Variants in TRMT10A observed in about 807,000 individuals in gnomAD.
TRMT10A encodes the protein tRNA methyltransferase 10A, also known as tRNA methyltransferase 10 homolog A.
In TRMT10A, 37 loss-of-function variants were observed where a neutral mutation model predicts 40.4. The observed-to-expected ratio is 0.92, with a 90% CI of 0.71 to 1.21. The LOEUF is 1.21. Among genes scored for constraint, TRMT10A ranks in the 50% most tolerant of loss-of-function variants. The pLI is 0.00. For synonymous variants in TRMT10A, 103 were observed against 134.1 expected, an observed-to-expected ratio of 0.77 and a Z score of 1.60; for missense variants, 388 against 404.3, an observed-to-expected ratio of 0.96 and a Z score of 0.35.
At chr4:99,561,062 G>A (rs1724371251) in intron 1 of TRMT10A, among the ~76,000 whole-genome samples, 1 of 151,774 alleles carries the variant, frequency 6.6e-6, no homozygotes, top group South Asian at 2.1e-4. Context: ...CGCCTCCCAG[G>A]TTCAGGCGAT....
chr4:99,557,974 G>A (rs1039546982), intron 3 of TRMT10A, 75 bp downstream of exon 3: 3 of 1,322,766 alleles, frequency 2.3e-6, no homozygotes, highest in Non-Finnish European at 3.0e-6. Flanking sequence ...TACATAAAAG[G>A]GATATTGCAT....
chr4:99,548,998 GA>G lies in TRMT10A; in HGVS notation c.*89del. ...TTTAAAAATCACAACAGAAATAAGAGAAAATAAAATGTTCTTCCAATTTCAA... is the reference window on the plus strand; with the variant it reads ...TTTAAAAATCACAACAGAAATAAGAGAAATAAAATGTTCTTCCAATTTCAA... On this transcript the variant is annotated 3_prime_UTR_variant, in exon 8 of 8. Transcript: ENST00000394876. 4 of 1,333,746 alleles carry G rather than the reference GA, an allele frequency of 3.0e-6. No homozygotes were observed. The highest frequency in any genetic ancestry group is 4.0e-6 in the Non-Finnish European group (4 of 1,006,766). 82.6% of individuals were successfully genotyped at this position (1,333,746 alleles called of 1,614,324 possible).
At chr4:99,552,515 T>C (rs537681805) in intron 6 of TRMT10A, among the ~76,000 whole-genome samples, 13 of 152,258 alleles carry the variant, frequency 8.5e-5, no homozygotes, top group Admixed American at 3.3e-4. Context: ...CTCTATAATA[T>C]TGATATCGCT....
chr4:99,557,783 T>C (rs1457335828), intron 3 of TRMT10A: 2 of 428,150 alleles, frequency 4.7e-6, no homozygotes, highest in African/African-American at 2.1e-5. Context: ...GTAGTTAATT[T>C]AGTTCTGTCA....
intron 4 of TRMT10A, among the ~76,000 whole-genome samples, 172 bp from the exon 5 acceptor site, chr4:99,556,392 G>A (rs775673627): frequency 6.6e-6 from 1 of 152,138 alleles, no homozygotes; most frequent in Non-Finnish European, 1.5e-5. Flanking sequence ...AACTGTGGTA[G>A]AAATAGTACG....
Position 99,556,126 on chromosome 4 carries a change from A to G in TRMT10A, c.495+20T>C. ...ATAAAAATACTTGGAATTATGTGAG[A>G]GTTTATCTGTTTTAATTACCTTCCA... On this transcript the variant is annotated intron_variant, in intron 5 of 7. Coordinates refer to ENST00000394876, the MANE Select transcript of TRMT10A (RefSeq NM_001134665.3). The G allele has an allele frequency of 6.2e-7, 1 of 1,607,122 alleles. No homozygotes were observed. Among genetic ancestry groups the G allele is most frequent in the Non-Finnish European group, 8.5e-7 (1 of 1,174,960 alleles).
Position 99,558,273 on chromosome 4 carries a change from CTAAA to C in TRMT10A, c.186-66_186-63del, listed in dbSNP as rs1724250200. On this transcript the variant is annotated intron_variant, in intron 2 of 7. Transcript: ENST00000394876. Reference sequence around the variant, plus strand: ...GTATTCAGTTATTTACAAGACTCTTCTAAATAAACAATTCCTTTTAAAAATCATC... The same window carrying C: ...GTATTCAGTTATTTACAAGACTCTTCTAAACAATTCCTTTTAAAAATCATC... 6.9e-6 allele frequency: 9 copies of C among 1,308,024 alleles called. No homozygotes were observed. The South Asian group carries it at 1.3e-4, about 19-fold the overall frequency. 81.0% of individuals were successfully genotyped at this position (1,308,024 alleles called of 1,614,324 possible). A position where few individuals can be genotyped will look rare whatever the true frequency, so the allele number is the denominator to read the frequency against.
At chr4:99,557,008 CCTCTCTGTCCAAT>C (rs1184618283) in intron 4 of TRMT10A, among the ~76,000 whole-genome samples, 2 of 152,078 alleles carry the variant, frequency 1.3e-5, no homozygotes, top group African/African-American at 2.4e-5. Flanking sequence ...ACAGCTTCTG[CCTCTCTGTCCAAT>C]CTCTCTCCCA....
chr4:99,556,373 C>A (rs530137620), intron 4 of TRMT10A, among the ~76,000 whole-genome samples, 153 bp from the exon 5 acceptor site: 17 of 152,196 alleles, frequency 1.1e-4, no homozygotes, highest in Non-Finnish European at 1.5e-4. Context: ...ATGCTTTGAG[C>A]AAACAATAAA....
At position 99,550,962 on chromosome 4, in the gene TRMT10A, T is replaced by C. The variant is rs756924083; in HGVS notation, c.674A>G (p.Tyr225Cys). Reference protein sequence around the residue: ...KGLTYKQASDYGINHAQLPLG... With the variant: ...KGLTYKQASDCGINHAQLPLG... ...TGGGAGCTGTGCATGATTGATTCCA[T>C]AATCTGACGCTTGTTTATATGTGAG... Residue 225 changes from tyrosine to cysteine, a missense_variant, in exon 7 of 8, where the codon TAT becomes TGT. Tyr to Cys is a radical substitution (Grantham distance 194). Coordinates refer to ENST00000394876, the MANE Select transcript of TRMT10A (RefSeq NM_001134665.3). 6.2e-7 allele frequency: 1 copy of C among 1,612,422 alleles called. No individual in the cohort carries two copies. The highest frequency in any genetic ancestry group is 8.5e-7 in the Non-Finnish European group (1 of 1,179,192).
rs35333223 is a variant in TRMT10A at position 99,548,935 on chromosome 4, CTT to C, written c.*151_*152del. ...ATATTTCCTTACAAAGTTTAAAGGGCTTTTTTTTTTATTATTATTTAGGTCCA... is the reference window on the plus strand; with the variant it reads ...ATATTTCCTTACAAAGTTTAAAGGGCTTTTTTTTATTATTATTTAGGTCCA... On this transcript the variant is annotated 3_prime_UTR_variant, in exon 8 of 8. Transcript: ENST00000394876. 3 of 640,068 alleles carry C rather than the reference CTT, an allele frequency of 4.7e-6. No individual in the cohort carries two copies. Among genetic ancestry groups the C allele is most frequent in the African/African-American group, 1.9e-5 (1 of 51,974 alleles). The allele number at this position is 640,068 out of a possible 1,614,324, so 39.6% of individuals were successfully genotyped here.
chr4:99,560,702 C>T, intron 1 of TRMT10A, among the ~76,000 whole-genome samples: 1 of 152,180 alleles, frequency 6.6e-6, no homozygotes, highest in African/African-American at 2.4e-5. Context: ...TTTTGATCCC[C>T]TGGATCACTT....
rs952211261 is a variant in TRMT10A at position 99,548,943 on chromosome 4, T to A, written c.*145A>T. On this transcript the variant is annotated 3_prime_UTR_variant, in exon 8 of 8. Coordinates refer to ENST00000394876, the MANE Select transcript of TRMT10A (RefSeq NM_001134665.3). ...TTACAAAGTTTAAAGGGCTTTTTTT[T>A]TTATTATTATTTAGGTCCAAAAAAA... is the stretch of plus-strand genomic sequence containing the variant. The A allele has an allele frequency of 2.9e-4, 216 of 738,846 alleles. No homozygotes were observed. Among genetic ancestry groups the A allele is most frequent in the Middle Eastern group, 1.3e-3 (3 of 2,368 alleles). 45.8% of individuals were successfully genotyped at this position (738,846 alleles called of 1,614,324 possible). A position where few individuals can be genotyped will look rare whatever the true frequency, so the allele number is the denominator to read the frequency against.
chr4:99,555,448 T>A (rs1403013206), intron 5 of TRMT10A, among the ~76,000 whole-genome samples: 2 of 152,184 alleles, frequency 1.3e-5, no homozygotes, highest in Admixed American at 1.3e-4. Context: ...CCTTTACCAA[T>A]GACTGAGAAC....
At position 99,556,149 on chromosome 4, in the gene TRMT10A, C is replaced by T; in HGVS notation, c.492G>A (p.Trp164Ter). Reference sequence around the variant, plus strand: ...AGAGTTTATCTGTTTTAATTACCTTCCAGTTGACCCATCCTTTGTCATTTT... The same window carrying T: ...AGAGTTTATCTGTTTTAATTACCTTTCAGTTGACCCATCCTTTGTCATTTT... ...MDENDKGWVN[W>*]KDIHIKPEHY... Residue 164 changes from tryptophan to a stop codon, truncating the protein, a stop_gained, in exon 5 of 8, where the codon TGG becomes TGA. Coordinates refer to ENST00000394876, the MANE Select transcript of TRMT10A (RefSeq NM_001134665.3). LOFTEE classifies it high-confidence loss of function. 1 of 1,613,412 alleles carries T rather than the reference C, an allele frequency of 6.2e-7. No individual in the cohort carries two copies. The highest frequency in any genetic ancestry group is 8.5e-7 in the Non-Finnish European group (1 of 1,179,614).
chr4:99,562,438 T>G (rs1422187147), intron 1 of TRMT10A, among the ~76,000 whole-genome samples: 1 of 151,116 alleles, frequency 6.6e-6, no homozygotes, highest in Non-Finnish European at 1.5e-5. Context: ...GACAGTCTCC[T>G]TTTCAGAAAA....
intron 1 of TRMT10A, among the ~76,000 whole-genome samples, chr4:99,560,791 G>T (rs1578215344): frequency 6.6e-6 from 1 of 152,002 alleles, no homozygotes; most frequent in Non-Finnish European, 1.5e-5. Flanking sequence ...CCGAGTGGAG[G>T]AAACTTAAAA....
intron 2 of TRMT10A, 64 bp from the exon 3 acceptor site, chr4:99,558,275 AAAT>A: frequency 3.0e-6 from 4 of 1,313,870 alleles, no homozygotes; most frequent in Non-Finnish European, 3.1e-6. Context: ...AGACTCTTCT[AAAT>A]AAACAATTCC....
intron 4 of TRMT10A, 139 bp downstream of exon 4, chr4:99,557,206 G>C (rs1255068869): frequency 1.5e-6 from 1 of 668,720 alleles, no homozygotes. Context: ...CTTCATTTCT[G>C]TCAAAAAAAT....
Sources: gnomAD v4.1 joint callset for allele counts (sites outside exome capture counted in the v4.1 genomes callset) on GRCh38, gnomAD v4.1.1 for gene constraint, MANE v1.5 for transcripts, NCBI Gene and HGNC (gene_info 2026-07-23, HGNC 2026-07-21) for gene names.